Variants in CACNA2D3 observed in about 807,000 individuals in gnomAD.
The protein encoded by CACNA2D3 is voltage-dependent calcium channel subunit alpha-2/delta-3.
CACNA2D3 carries 60 observed loss-of-function variants against 160.6 expected under a neutral mutation model. The observed-to-expected ratio is 0.37, with a 90% CI of 0.30 to 0.46. The LOEUF is 0.46. Among genes scored for constraint, CACNA2D3 ranks in the 20% least tolerant of loss-of-function variants. The probability of loss-of-function intolerance (pLI) is 1.00; values close to 1 mark genes in which losing one functional copy is unlikely to be tolerated. For missense variants in CACNA2D3, 1,205 were observed against 1,365.0 expected (o/e 0.88, Z 1.85); for synonymous variants, 558 against 492.9 (o/e 1.13, Z -1.75).
intron 13 of CACNA2D3, among the ~76,000 whole-genome samples, chr3:54,776,774 G>T (rs981077392): frequency 1.3e-5 from 2 of 152,048 alleles, no homozygotes; most frequent in Non-Finnish European, 2.9e-5. Flanking sequence ...GGACCCAAGT[G>T]TCCCCACAGC....
At chr3:54,256,879 G>C (rs568706136) in intron 2 of CACNA2D3, among the ~76,000 whole-genome samples, 66 of 152,258 alleles carry the variant, frequency 4.3e-4, no homozygotes, top group African/African-American at 1.5e-3. Context: ...CTGATTAACA[G>C]GATACAATAG....
intron 27 of CACNA2D3, among the ~76,000 whole-genome samples, chr3:54,933,675 G>T (rs1372078121): frequency 2.0e-5 from 3 of 151,936 alleles, no homozygotes; most frequent in Non-Finnish European, 2.9e-5. Flanking sequence ...AGTTTCAAAT[G>T]ACCTGTTTGT....
intron 27 of CACNA2D3, among the ~76,000 whole-genome samples, chr3:54,939,847 A>T (rs1235448775): frequency 1.3e-5 from 2 of 152,206 alleles, no homozygotes; most frequent in Non-Finnish European, 2.9e-5. Context: ...GGACAACCAC[A>T]TGAACAAAAG....
intron 27 of CACNA2D3, among the ~76,000 whole-genome samples, chr3:54,962,115 C>T (rs1346019102): frequency 6.6e-6 from 1 of 152,146 alleles, no homozygotes; most frequent in African/African-American, 2.4e-5. Context: ...ACAGAGTCCT[C>T]GGGACCCAAT....
At position 54,675,924 on chromosome 3, in the gene CACNA2D3, C is replaced by T. The variant is rs113549682; in HGVS notation, c.1167+33683C>T. Among the ~76,000 whole-genome samples the T allele has an allele frequency of 2.5e-3, 374 of 152,242 alleles. 1 individual carries two copies. The highest frequency in any genetic ancestry group is 3.2e-3 in the African/African-American group (131 of 41,530). ...ATGGTGTCCTCCACACCACTTCCAC[C>T]GCCTACTCCCATGGTTATATCCTTG... is the stretch of plus-strand genomic sequence containing the variant. On this transcript the variant is annotated intron_variant, in intron 11 of 37. Transcript: ENST00000474759.
chr3:54,403,605 C>G (rs181784626), intron 4 of CACNA2D3, among the ~76,000 whole-genome samples: 3 of 151,894 alleles, frequency 2.0e-5, no homozygotes, highest in Admixed American at 1.3e-4. Flanking sequence ...AAAAGAAGAA[C>G]AAGTTAAACC....
At chr3:54,712,972 C>T (rs747959577) in intron 11 of CACNA2D3, among the ~76,000 whole-genome samples, 1 of 152,168 alleles carries the variant, frequency 6.6e-6, no homozygotes, top group Non-Finnish European at 1.5e-5. Context: ...TCACAAACTC[C>T]TAGACATCAT....
At chr3:54,357,004 C>T (rs1219865097) in intron 3 of CACNA2D3, among the ~76,000 whole-genome samples, 1 of 152,102 alleles carries the variant, frequency 6.6e-6, no homozygotes, top group Non-Finnish European at 1.5e-5. Flanking sequence ...ATATGTAGGA[C>T]CCCCTCCTTG....
chr3:54,144,768 A>G (rs1346076033), intron 2 of CACNA2D3, among the ~76,000 whole-genome samples: 1 of 152,238 alleles, frequency 6.6e-6, no homozygotes, highest in Non-Finnish European at 1.5e-5. Context: ...AGTTATTATG[A>G]GGATTAAGTG....
intron 2 of CACNA2D3, among the ~76,000 whole-genome samples, chr3:54,198,483 C>A (rs760006263): frequency 6.6e-6 from 1 of 152,230 alleles, no homozygotes; most frequent in African/African-American, 2.4e-5. Context: ...GATGGGCCAG[C>A]CGCTCTGTGG....
chr3:54,463,351 G>T (rs534492539), intron 4 of CACNA2D3, among the ~76,000 whole-genome samples: 1 of 152,146 alleles, frequency 6.6e-6, no homozygotes, highest in Non-Finnish European at 1.5e-5. Context: ...AGTTCTCCTG[G>T]ATAATATCCT....
intron 29 of CACNA2D3, among the ~76,000 whole-genome samples, chr3:54,975,440 ACCT>A (rs1425389531): frequency 1.3e-5 from 2 of 149,450 alleles, no homozygotes; most frequent in South Asian, 2.1e-4. Flanking sequence ...AATCACCTGA[ACCT>A]GGGAGGCAGA....
At chr3:54,781,846 G>A (rs572873269) in intron 13 of CACNA2D3, among the ~76,000 whole-genome samples, 2 of 152,328 alleles carry the variant, frequency 1.3e-5, no homozygotes, top group African/African-American at 2.4e-5. Context: ...CAGAGCAAAT[G>A]CATTATTTGC....
rs763513372 is a variant in CACNA2D3 at position 54,721,877 on chromosome 3, G to A, written c.1168-30722G>A. On this transcript the variant is annotated intron_variant, in intron 11 of 37. Transcript: ENST00000474759. ...TCATTTCAACCTTGGTGAATCTGACGTTTATGTGTCTTGGGGTTGCTCTTC... is the reference window on the plus strand; with the variant it reads ...TCATTTCAACCTTGGTGAATCTGACATTTATGTGTCTTGGGGTTGCTCTTC... 3.3e-5 allele frequency among the ~76,000 whole-genome samples: 5 copies of A among 151,914 alleles called. 1 individual carries two copies. The South Asian group carries it at 6.2e-4, about 19-fold the overall frequency.
chr3:54,290,933 G>C (rs1383824614), intron 2 of CACNA2D3, among the ~76,000 whole-genome samples: 1 of 152,200 alleles, frequency 6.6e-6, no homozygotes, highest in Non-Finnish European at 1.5e-5. Context: ...GTGAGGGATA[G>C]CATTAGGAGA....
chr3:54,582,749 T>A (rs1702698920), intron 9 of CACNA2D3, among the ~76,000 whole-genome samples: 1 of 152,192 alleles, frequency 6.6e-6, no homozygotes, highest in African/African-American at 2.4e-5. Flanking sequence ...GCACATTCTA[T>A]ATGCTGGAGA....
chr3:54,123,681 C>A, intron 2 of CACNA2D3, 87 bp downstream of exon 2: 1 of 1,086,198 alleles, frequency 9.2e-7, no homozygotes, highest in South Asian at 1.2e-5. Context: ...ACGTGAGCCC[C>A]GAGCAGCATC....
At chr3:54,786,054 C>G (rs1334383060) in intron 13 of CACNA2D3, among the ~76,000 whole-genome samples, 1 of 152,156 alleles carries the variant, frequency 6.6e-6, no homozygotes, top group African/African-American at 2.4e-5. Flanking sequence ...TAACACTTAC[C>G]TAATCTTTAT....
intron 35 of CACNA2D3, among the ~76,000 whole-genome samples, chr3:55,023,728 C>T (rs1156827027): frequency 4.0e-5 from 6 of 151,870 alleles, no homozygotes; most frequent in Non-Finnish European, 7.4e-5. Context: ...GTAACGACTG[C>T]CTGGGAATAA....
Sources: gnomAD v4.1 joint callset for allele counts (sites outside exome capture counted in the v4.1 genomes callset) on GRCh38, gnomAD v4.1.1 for gene constraint, MANE v1.5 for transcripts, NCBI Gene and HGNC (gene_info 2026-07-23, HGNC 2026-07-21) for gene names.